The following LRRC3B variants were observed in gnomAD, a reference collection of about 807,000 sequenced individuals.
LRRC3B encodes leucine-rich repeat-containing protein 3B.
In LRRC3B, 2 loss-of-function variants were observed where a neutral mutation model predicts 12.8. The observed-to-expected ratio is 0.16, with a 90% CI of 0.06 to 0.49. LRRC3B has a LOEUF of 0.49. Among genes scored for constraint, LRRC3B ranks in the 20% least tolerant of loss-of-function variants. The probability of loss-of-function intolerance (pLI) is 0.96; values close to 1 mark genes in which losing one functional copy is unlikely to be tolerated. For missense variants in LRRC3B, 189 were observed against 319.4 expected, an observed-to-expected ratio of 0.59 and a Z score of 3.11; for synonymous variants, 132 against 122.0, an observed-to-expected ratio of 1.08 and a Z score of -0.54.
chr3:26,635,511 C>T (rs1384755317), intron 1 of LRRC3B, among the ~76,000 whole-genome samples: 1 of 152,132 alleles, frequency 6.6e-6, no homozygotes, highest in Non-Finnish European at 1.5e-5. Flanking sequence ...TCTCTGCCTG[C>T]ACACACCAAG....
intron 1 of LRRC3B, among the ~76,000 whole-genome samples, chr3:26,653,460 CATT>C (rs1699307264): frequency 6.6e-6 from 1 of 152,032 alleles, no homozygotes; most frequent in African/African-American, 2.4e-5. Flanking sequence ...ATTGATCTGT[CATT>C]AATAATGGTT....
chr3:26,700,436 C>A (rs1253367406), intron 1 of LRRC3B, among the ~76,000 whole-genome samples: 1 of 152,154 alleles, frequency 6.6e-6, no homozygotes, highest in East Asian at 1.9e-4. Flanking sequence ...TTTCCTGCTG[C>A]TAACCAGCTG....
intron 1 of LRRC3B, among the ~76,000 whole-genome samples, chr3:26,704,945 G>T (rs1700549082): frequency 6.6e-6 from 1 of 152,042 alleles, no homozygotes; most frequent in Admixed American, 6.6e-5. Context: ...ATCAAATTCT[G>T]CTGTTTAGTA....
At position 26,649,489 on chromosome 3, in the gene LRRC3B, T is replaced by C. The variant is rs374697057; in HGVS notation, c.-161+26252T>C. On this transcript the variant is annotated intron_variant, in intron 1 of 1. Transcript: ENST00000396641. Reference sequence around the variant, plus strand: ...GTGACTCTTTTTCCCCAGATCCCTGTTTTCATACTCCTCAAATTAAAGATA... The same window carrying C: ...GTGACTCTTTTTCCCCAGATCCCTGCTTTCATACTCCTCAAATTAAAGATA... Among the ~76,000 whole-genome samples, 13 of 152,206 alleles carry C rather than the reference T, an allele frequency of 8.5e-5. No homozygotes were observed. The East Asian group carries it at 1.5e-3, about 18-fold the overall frequency.
At chr3:26,657,000 C>A (rs1194162368) in intron 1 of LRRC3B, among the ~76,000 whole-genome samples, 2 of 152,022 alleles carry the variant, frequency 1.3e-5, no homozygotes, top group East Asian at 3.9e-4. Context: ...AAAACTTTTT[C>A]TATTATTTAG....
At chr3:26,674,512 T>C (rs1282585446) in intron 1 of LRRC3B, among the ~76,000 whole-genome samples, 2 of 152,230 alleles carry the variant, frequency 1.3e-5, no homozygotes, top group African/African-American at 2.4e-5. Context: ...AAATAAATTA[T>C]ATATTTCAAA....
chr3:26,690,340 T>C (rs1700165402), intron 1 of LRRC3B, among the ~76,000 whole-genome samples: 1 of 152,180 alleles, frequency 6.6e-6, no homozygotes, highest in Non-Finnish European at 1.5e-5. Context: ...TTTGCCTGCA[T>C]GGATTCTACT....
At chr3:26,636,864 CCCTTCCTT>C (rs1202159814) in intron 1 of LRRC3B, among the ~76,000 whole-genome samples, 1 of 66,948 alleles carries the variant, frequency 1.5e-5, no homozygotes, top group East Asian at 9.2e-4. Flanking sequence ...CTCCCTCCCT[CCCTTCCTT>C]CCTTCCTTCC....
intron 1 of LRRC3B, among the ~76,000 whole-genome samples, chr3:26,643,194 A>G (rs534246237): frequency 1.3e-5 from 2 of 151,952 alleles, no homozygotes; most frequent in African/African-American, 4.8e-5. Context: ...TTGTAAGAGG[A>G]CTTGGGAGGG....
At chr3:26,704,742 A>AT (rs1316245476) in intron 1 of LRRC3B, among the ~76,000 whole-genome samples, 2 of 151,700 alleles carry the variant, frequency 1.3e-5, no homozygotes, top group Admixed American at 6.6e-5. Context: ...TTTTGTAAGG[A>AT]TTTTCTGTGT....
chr3:26,696,059 T>C (rs1440512665), intron 1 of LRRC3B, among the ~76,000 whole-genome samples: 1 of 152,230 alleles, frequency 6.6e-6, no homozygotes, highest in Non-Finnish European at 1.5e-5. Context: ...TTCACATTAT[T>C]TATGATAGCA....
intron 1 of LRRC3B, among the ~76,000 whole-genome samples, chr3:26,706,867 AT>A (rs1464859189): frequency 6.6e-6 from 1 of 152,216 alleles, no homozygotes; most frequent in Non-Finnish European, 1.5e-5. Context: ...TATGTTTAAA[AT>A]ATTTATAAAA....
chr3:26,671,373 T>TATAGAGAGAGAGAGAG (rs1261897533), intron 1 of LRRC3B, among the ~76,000 whole-genome samples: 76 of 28,254 alleles, frequency 2.7e-3, no homozygotes, highest in East Asian at 0.01. Context: ...TATATATATA[T>TATAGAGAGAGAGAGAG]AGAGAGAGAG....
chr3:26,628,449 A>G (rs1698678256), intron 1 of LRRC3B, among the ~76,000 whole-genome samples: 1 of 149,498 alleles, frequency 6.7e-6, no homozygotes, highest in Non-Finnish European at 1.5e-5. Flanking sequence ...AGCTCAGAGT[A>G]GGACCTGAGA....
At chr3:26,644,361 G>A (rs753147673) in intron 1 of LRRC3B, among the ~76,000 whole-genome samples, 1 of 152,088 alleles carries the variant, frequency 6.6e-6, no homozygotes, top group African/African-American at 2.4e-5. Context: ...TCATTCATTT[G>A]GTAACTCAGC....
chr3:26,705,216 G>T (rs561616730), intron 1 of LRRC3B, among the ~76,000 whole-genome samples: 1 of 152,300 alleles, frequency 6.6e-6, no homozygotes, highest in African/African-American at 2.4e-5. Flanking sequence ...TTTGATGGTT[G>T]CCACCCAATC....
At chr3:26,710,560 C>A in exon 2 of LRRC3B, 5 of 1,185,462 alleles carry the variant, frequency 4.2e-6, no homozygotes, top group Non-Finnish European at 3.5e-6. Flanking sequence ...CTTTGTATTT[C>A]AGTTTCTTTT....
exon 2 of LRRC3B, chr3:26,710,479 G>C: frequency 1.3e-6 from 2 of 1,527,200 alleles, no homozygotes; most frequent in African/African-American, 2.8e-5. Context: ...CATTGAGAAA[G>C]AAAGAAAGTA....
intron 1 of LRRC3B, among the ~76,000 whole-genome samples, chr3:26,639,474 GA>G (rs770812268): frequency 0.1 from 15,225 of 146,306 alleles, 1,549 homozygotes; most frequent in East Asian, 0.31. Context: ...GACTGAATTG[GA>G]ATCTTTAAAT....
Sources: allele counts gnomAD v4.1 joint callset (sites outside exome capture counted in the v4.1 genomes callset), GRCh38; gene constraint gnomAD v4.1.1; transcripts MANE v1.5; gene names NCBI Gene and HGNC (gene_info 2026-07-23, HGNC 2026-07-21).